Variants in VAV2 observed in about 807,000 individuals in gnomAD.
The protein encoded by VAV2 is guanine nucleotide exchange factor VAV2.
VAV2 carries 67 observed loss-of-function variants against 132.5 expected under a neutral mutation model. The ratio of observed to expected loss-of-function variants is 0.51; its 90% confidence interval spans 0.42 to 0.62. VAV2 has a LOEUF of 0.62. VAV2 is among the 20% of genes least tolerant of loss of function. VAV2 has a pLI of 0.00. For synonymous variants in VAV2, 492 were observed against 443.5 expected, an observed-to-expected ratio of 1.11 and a Z score of -1.37; for missense variants, 938 against 1,153.6, an observed-to-expected ratio of 0.81 and a Z score of 2.71.
At chr9:133,920,661 G>A (rs1157338256) in intron 2 of VAV2, among the ~76,000 whole-genome samples, 1 of 152,128 alleles carries the variant, frequency 6.6e-6, no homozygotes, top group African/African-American at 2.4e-5. Context: ...CCACCCCTAG[G>A]CCCCGTCACA....
chr9:133,788,611 C>T lies in VAV2; in HGVS notation c.1275-125G>A. 1.5e-6 allele frequency: 2 copies of T among 1,348,532 alleles called. No individual in the cohort carries two copies. The highest frequency in any genetic ancestry group is 2.4e-5 in the East Asian group (1 of 40,886). The allele number at this position is 1,348,532 out of a possible 1,614,324, so 83.5% of individuals were successfully genotyped here. On this transcript the variant is annotated intron_variant, in intron 14 of 29. Coordinates refer to ENST00000371850, the MANE Select transcript of VAV2 (RefSeq NM_001134398.2). This position sits in a 1 kb window ranked among gnomAD's most constrained non-coding sequence, Gnocchi z 5.3. ...CCTCTCCGGGCGAGCCCTGCCCTCA[C>T]CTGGCTCACCAGGCTAATGCTGAGC...
At chr9:133,830,350 A>C (rs1167062800) in intron 4 of VAV2, among the ~76,000 whole-genome samples, 1 of 152,170 alleles carries the variant, frequency 6.6e-6, no homozygotes, top group East Asian at 1.9e-4. Flanking sequence ...CTTGAACTGT[A>C]GTTCCCATAA....
chr9:133,990,560 C>T (rs1842984086), intron 1 of VAV2, among the ~76,000 whole-genome samples: 1 of 152,188 alleles, frequency 6.6e-6, no homozygotes, highest in African/African-American at 2.4e-5. Context: ...TGAGCCCCAG[C>T]CTGCAAGCAG....
At chr9:133,895,393 A>G (rs1235452554) in intron 2 of VAV2, among the ~76,000 whole-genome samples, 2 of 152,234 alleles carry the variant, frequency 1.3e-5, no homozygotes, top group Non-Finnish European at 2.9e-5. Context: ...CTGCAAAAAT[A>G]AAAAATAAAA....
intron 1 of VAV2, among the ~76,000 whole-genome samples, chr9:133,985,424 G>T (rs928609289): frequency 2.6e-5 from 4 of 152,180 alleles, no homozygotes; most frequent in African/African-American, 9.7e-5. Flanking sequence ...TGGAACTACA[G>T]GCGTGTGCCA....
At chr9:133,900,975 T>C (rs970096860) in intron 2 of VAV2, among the ~76,000 whole-genome samples, 8 of 151,508 alleles carry the variant, frequency 5.3e-5, no homozygotes, top group African/African-American at 1.9e-4. Context: ...AATTTTTGTA[T>C]TTTTAGTAGA....
chr9:133,856,928 A>G (rs1350962091), intron 3 of VAV2, among the ~76,000 whole-genome samples: 1 of 152,136 alleles, frequency 6.6e-6, no homozygotes, highest in East Asian at 1.9e-4. Flanking sequence ...ACATCCACCT[A>G]GCAGCCGCGG....
chr9:133,849,375 G>A (rs1837079578), intron 3 of VAV2, among the ~76,000 whole-genome samples: 2 of 152,188 alleles, frequency 1.3e-5, no homozygotes, highest in Admixed American at 6.5e-5. Flanking sequence ...CCAGGGCTAC[G>A]TTAAGAAGCA....
At chr9:133,812,746 T>C (rs1835407739) in intron 4 of VAV2, among the ~76,000 whole-genome samples, 1 of 152,144 alleles carries the variant, frequency 6.6e-6, no homozygotes, top group African/African-American at 2.4e-5. Context: ...TCATTTGCCT[T>C]CTGAAACCAG....
chr9:133,845,933 C>T (rs1836917071), intron 3 of VAV2, among the ~76,000 whole-genome samples: 1 of 152,334 alleles, frequency 6.6e-6, no homozygotes, highest in Non-Finnish European at 1.5e-5. Flanking sequence ...GGTCAAGCTG[C>T]TCCACAGACA....
rs1838660521 is a variant in VAV2 at position 133,885,347 on chromosome 9, A to G, written c.322-23915T>C. Among the ~76,000 whole-genome samples, 2 of 152,204 alleles carry G rather than the reference A, an allele frequency of 1.3e-5. No individual in the cohort carries two copies. The highest frequency in any genetic ancestry group is 1.3e-4 in the Admixed American group (2 of 15,284). On this transcript the variant is annotated intron_variant, in intron 2 of 29. Coordinates refer to ENST00000371850, the MANE Select transcript of VAV2 (RefSeq NM_001134398.2). The surrounding 1 kb of genome is among the most constrained non-coding windows in gnomAD (Gnocchi z 5.0). Reference sequence around the variant, plus strand: ...GCCTCTGCTTCTTCCCCACAAGTTCAAGGTCGGTGTACTCAGGCATCCCTG... The same window carrying G: ...GCCTCTGCTTCTTCCCCACAAGTTCGAGGTCGGTGTACTCAGGCATCCCTG...
chr9:133,927,343 C>T (rs1840516020), intron 2 of VAV2, among the ~76,000 whole-genome samples: 1 of 152,182 alleles, frequency 6.6e-6, no homozygotes, highest in South Asian at 2.1e-4. Context: ...CAGGATTAAC[C>T]AAGTCTTCAA....
At chr9:133,844,123 C>T (rs1031165541) in intron 3 of VAV2, among the ~76,000 whole-genome samples, 7 of 152,248 alleles carry the variant, frequency 4.6e-5, no homozygotes, top group Admixed American at 1.3e-4. Context: ...GAAAGAAATG[C>T]TCGGTCCCCT....
Position 133,857,570 on chromosome 9 carries a change from G to A in VAV2, c.380+3804C>T, listed in dbSNP as rs1460763987. 2.6e-5 allele frequency among the ~76,000 whole-genome samples: 4 copies of A among 152,210 alleles called. No homozygotes were observed. Among genetic ancestry groups the A allele is most frequent in the African/African-American group, 9.7e-5 (4 of 41,446 alleles). ...GGGTTTTCAAGAAGGAAAGGGTTGTGTTAAACTAGAACCTTTTGCTAATCA... is the reference window on the plus strand; with the variant it reads ...GGGTTTTCAAGAAGGAAAGGGTTGTATTAAACTAGAACCTTTTGCTAATCA... On this transcript the variant is annotated intron_variant, in intron 3 of 29. Coordinates refer to ENST00000371850, the MANE Select transcript of VAV2 (RefSeq NM_001134398.2). The surrounding 1 kb of genome is among the most constrained non-coding windows in gnomAD (Gnocchi z 4.0).
At chr9:133,779,531 T>G (rs1322743841) in intron 21 of VAV2, among the ~76,000 whole-genome samples, 1 of 152,242 alleles carries the variant, frequency 6.6e-6, no homozygotes, top group African/African-American at 2.4e-5. Context: ...CTTTTTACGC[T>G]GTGTCTAGAA....
In VAV2 at chr9:133,763,578, T is replaced by C. The variant is rs2131552121; in HGVS notation, c.*484A>G. The C allele has an allele frequency of 5.9e-6, 1 of 170,342 alleles. No individual in the cohort carries two copies. The highest frequency in any genetic ancestry group is 1.3e-5 in the Non-Finnish European group (1 of 79,046). 10.6% of individuals were successfully genotyped at this position (170,342 alleles called of 1,614,324 possible). A position where few individuals can be genotyped will look rare whatever the true frequency, so the allele number is the denominator to read the frequency against. ...CTCTGGTCCCGTCTGCCTCCCGAGG[T>C]CTGACACCTCCCCCTGGGAGCAGCA... On this transcript the variant is annotated 3_prime_UTR_variant, in exon 30 of 30. Coordinates refer to ENST00000371850, the MANE Select transcript of VAV2 (RefSeq NM_001134398.2). The surrounding 1 kb of genome is among the most constrained non-coding windows in gnomAD (Gnocchi z 6.8).
At chr9:133,957,275 GT>G (rs140302473) in intron 1 of VAV2, among the ~76,000 whole-genome samples, 3 of 151,982 alleles carry the variant, frequency 2.0e-5, no homozygotes, top group Non-Finnish European at 4.4e-5. Flanking sequence ...AAACGGGTTT[GT>G]TTTTTTCTCC....
intron 16 of VAV2, among the ~76,000 whole-genome samples, chr9:133,786,593 C>A (rs780877926): frequency 8.5e-5 from 13 of 152,262 alleles, no homozygotes; most frequent in Non-Finnish European, 1.3e-4. Context: ...CTAAAAAAAC[C>A]TCACTTCTCT....
At position 133,787,257 on chromosome 9, in the gene VAV2, G is replaced by A. The variant is rs1458249565; in HGVS notation, c.1411C>T (p.His471Tyr). 2.5e-6 allele frequency: 4 copies of A among 1,588,040 alleles called. No homozygotes were observed. The East Asian group carries it at 6.9e-5, about 27-fold the overall frequency. The change falls in exon 16 of 30, where the codon CAC becomes TAC. Residue 471 changes from histidine to tyrosine, a missense_variant. Transcript: ENST00000371850. Reference protein sequence around the residue: ...PMNNKDVKKSHGKMWSYGFYL... With the variant: ...PMNNKDVKKSYGKMWSYGFYL... ...CGCTAGGTGCTTACCATTTTCCCGT[G>A]AGACTAGGAAGCATGGAGAGGAGAG... is the stretch of plus-strand genomic sequence containing the variant.
Sources: gnomAD v4.1 joint callset for allele counts (sites outside exome capture counted in the v4.1 genomes callset) on GRCh38, gnomAD v4.1.1 for gene constraint, Gnocchi (gnomAD v3.1) non-coding constraint, MANE v1.5 for transcripts, NCBI Gene and HGNC (gene_info 2026-07-23, HGNC 2026-07-21) for gene names.